The following PTPRM variants were observed in gnomAD, a reference collection of about 807,000 sequenced individuals.
PTPRM encodes the protein protein tyrosine phosphatase receptor type M.
A neutral mutation model predicts 186.7 loss-of-function variants in PTPRM; 47 were observed. That is an observed-to-expected ratio of 0.25 (90% CI 0.20 to 0.32). The LOEUF (loss-of-function observed/expected upper bound fraction) is 0.32, where lower values mean the gene tolerates loss of function less well. PTPRM is among the 10% of genes least tolerant of loss of function. The pLI is 1.00. For synonymous variants in PTPRM, 668 were observed against 674.9 expected (o/e 0.99, Z 0.16); for missense variants, 1,494 against 1,865.0 (o/e 0.80, Z 3.66).
At chr18:8,041,358 G>T (rs927821648) in intron 7 of PTPRM, among the ~76,000 whole-genome samples, 6 of 151,912 alleles carry the variant, frequency 3.9e-5, no homozygotes, top group African/African-American at 1.5e-4. Context: ...CTCCTTGGTG[G>T]TATATAGACA....
rs1308109386 is a variant in PTPRM, at chr18:7,568,449, G to A, written c.73+558G>A. On this transcript the variant is annotated intron_variant, in intron 1 of 32. Transcript: ENST00000580170. The surrounding 1 kb of genome is among the most constrained non-coding windows in gnomAD (Gnocchi z 5.1). Reference sequence around the variant, plus strand: ...CTGCCCGGCGCGGCTGGCGACCCCGGGAGGTCCCCGCGGTCGTGCAGCGTC... The same window carrying A: ...CTGCCCGGCGCGGCTGGCGACCCCGAGAGGTCCCCGCGGTCGTGCAGCGTC... Among the ~76,000 whole-genome samples, 1 of 151,732 alleles carries A rather than the reference G, an allele frequency of 6.6e-6. No individual in the cohort carries two copies. The highest frequency in any genetic ancestry group is 1.9e-4 in the East Asian group (1 of 5,136).
Position 8,019,080 on chromosome 18 carries a change from GAGC to G in PTPRM, c.1133-50598_1133-50596del, listed in dbSNP as rs549287471. Among the ~76,000 whole-genome samples, 246 of 152,288 alleles carry G rather than the reference GAGC, an allele frequency of 1.6e-3. 2 individuals are homozygous for G. Among genetic ancestry groups the G allele is most frequent in the African/African-American group, 5.3e-3 (221 of 41,546 alleles). ...TTCTTAGAAAAGCACTGAATAAAAA[GAGC>G]AGCAGCAAAACCTTCTAGATAGATA... is the stretch of plus-strand genomic sequence containing the variant. On this transcript the variant is annotated intron_variant, in intron 7 of 32. Transcript: ENST00000580170.
chr18:7,792,616 AT>A (rs2043396582), intron 2 of PTPRM, among the ~76,000 whole-genome samples: 1 of 152,170 alleles, frequency 6.6e-6, no homozygotes, highest in African/African-American at 2.4e-5. Context: ...TTTTAAAATA[AT>A]TTTTGAAAAA....
At chr18:8,356,090 A>G (rs760953811) in intron 23 of PTPRM, among the ~76,000 whole-genome samples, 1 of 152,228 alleles carries the variant, frequency 6.6e-6, no homozygotes, top group Non-Finnish European at 1.5e-5. Flanking sequence ...AATGGATGAA[A>G]TGGATGTTGA....
At chr18:7,899,031 A>G (rs1050808221) in intron 3 of PTPRM, among the ~76,000 whole-genome samples, 2 of 152,258 alleles carry the variant, frequency 1.3e-5, no homozygotes, top group South Asian at 2.1e-4. Flanking sequence ...GGCAAAGGCC[A>G]GTACCACTGT....
chr18:7,902,834 C>CTTTTT (rs34332223), intron 3 of PTPRM, among the ~76,000 whole-genome samples: 6 of 130,096 alleles, frequency 4.6e-5, no homozygotes, highest in African/African-American at 1.7e-4. Context: ...TCTTCTCTGC[C>CTTTTT]TTTTTTTTTT....
chr18:7,910,591 C>T (rs1201575469), intron 4 of PTPRM, among the ~76,000 whole-genome samples: 1 of 152,042 alleles, frequency 6.6e-6, no homozygotes, highest in Non-Finnish European at 1.5e-5. Context: ...CATTCAGAGG[C>T]TGAAGTGAAG....
intron 1 of PTPRM, chr18:7,749,228 T>A (rs2041092671): frequency 6.6e-6 from 1 of 151,748 alleles, no homozygotes; most frequent in African/African-American, 2.4e-5. Context: ...GGGGACAGAG[T>A]TGTTCTTCTC....
At chr18:8,137,096 C>T (rs952901462) in intron 13 of PTPRM, among the ~76,000 whole-genome samples, 1 of 152,160 alleles carries the variant, frequency 6.6e-6, no homozygotes, top group Non-Finnish European at 1.5e-5. Flanking sequence ...ATTTCCACTG[C>T]TTCCATTTTA....
At chr18:7,986,927 A>G (rs2082994192) in intron 7 of PTPRM, among the ~76,000 whole-genome samples, 1 of 152,210 alleles carries the variant, frequency 6.6e-6, no homozygotes, top group Non-Finnish European at 1.5e-5. Context: ...AGAGAAGACC[A>G]TGGGAGGACA....
At chr18:7,666,962 A>G (rs749531394) in intron 1 of PTPRM, among the ~76,000 whole-genome samples, 13 of 152,174 alleles carry the variant, frequency 8.5e-5, no homozygotes, top group Non-Finnish European at 1.3e-4. Context: ...ACTCCAGGCC[A>G]TGTTTCAGGT....
At chr18:7,616,858 G>C (rs2037817949) in intron 1 of PTPRM, among the ~76,000 whole-genome samples, 1 of 152,166 alleles carries the variant, frequency 6.6e-6, no homozygotes. Flanking sequence ...CCTGGTGTCT[G>C]TTGTTTGTCT....
chr18:7,613,109 G>C (rs1372776884), intron 1 of PTPRM, among the ~76,000 whole-genome samples: 1 of 152,080 alleles, frequency 6.6e-6, no homozygotes, highest in Non-Finnish European at 1.5e-5. Flanking sequence ...CATGTGCCTG[G>C]GAAGATAGGT....
chr18:8,165,459 A>G (rs964482230), intron 14 of PTPRM, among the ~76,000 whole-genome samples: 2 of 152,204 alleles, frequency 1.3e-5, no homozygotes, highest in Non-Finnish European at 2.9e-5. Flanking sequence ...CATTTGAAGC[A>G]TGTCACCGGC....
At chr18:8,029,884 TC>T (rs1334776932) in intron 7 of PTPRM, among the ~76,000 whole-genome samples, 2 of 152,182 alleles carry the variant, frequency 1.3e-5, no homozygotes, top group East Asian at 3.9e-4. Flanking sequence ...GATCTGACCA[TC>T]CGTGTGGCTG....
intron 2 of PTPRM, among the ~76,000 whole-genome samples, chr18:7,883,687 C>G (rs760538232): frequency 2.6e-5 from 4 of 152,140 alleles, no homozygotes; most frequent in Non-Finnish European, 5.9e-5. Flanking sequence ...ACCCTTTCCC[C>G]AAAAACGTAA....
chr18:8,076,154 T>A (rs1020176979), intron 8 of PTPRM, among the ~76,000 whole-genome samples: 3 of 152,160 alleles, frequency 2.0e-5, no homozygotes, highest in Non-Finnish European at 4.4e-5. Flanking sequence ...TATGTGAGAA[T>A]TCTCATCACT....
intron 19 of PTPRM, among the ~76,000 whole-genome samples, chr18:8,291,883 C>G (rs1232772784): frequency 6.6e-6 from 1 of 151,062 alleles, no homozygotes; most frequent in Non-Finnish European, 1.5e-5. Context: ...GGAGGGTGGA[C>G]TCACAGGGTC....
intron 22 of PTPRM, among the ~76,000 whole-genome samples, chr18:8,322,238 A>G (rs2095350118): frequency 6.6e-6 from 1 of 152,220 alleles, no homozygotes; most frequent in East Asian, 1.9e-4. Flanking sequence ...TACAGAGGAC[A>G]TATTATAAAT....
Sources: allele counts gnomAD v4.1 joint callset (sites outside exome capture counted in the v4.1 genomes callset), GRCh38; gene constraint gnomAD v4.1.1; non-coding constraint Gnocchi (gnomAD v3.1); transcripts MANE v1.5; gene names NCBI Gene and HGNC (gene_info 2026-07-23, HGNC 2026-07-21).